CADM2: variants seen among roughly 807,000 people sequenced by gnomAD.
The protein encoded by CADM2 is cell adhesion molecule 2.
In CADM2, 12 loss-of-function variants were observed where a neutral mutation model predicts 49.8. The ratio of observed to expected loss-of-function variants is 0.24; its 90% confidence interval spans 0.15 to 0.39. The LOEUF (loss-of-function observed/expected upper bound fraction) is 0.39. Among genes scored for constraint, CADM2 ranks in the 10% least tolerant of loss-of-function variants. The probability of loss-of-function intolerance (pLI) is 1.00; values close to 1 mark genes in which losing one functional copy is unlikely to be tolerated. For synonymous variants in CADM2, 214 were observed against 175.4 expected (o/e 1.22, Z -1.74); for missense variants, 378 against 492.3 (o/e 0.77, Z 2.20).
At chr3:85,451,528 C>T (rs943392838) in intron 1 of CADM2, among the ~76,000 whole-genome samples, 1 of 152,056 alleles carries the variant, frequency 6.6e-6, no homozygotes, top group Non-Finnish European at 1.5e-5. Flanking sequence ...GCACACCTCA[C>T]GTTTTCCCTT....
intron 1 of CADM2, among the ~76,000 whole-genome samples, chr3:85,173,745 C>T (rs1225255794): frequency 3.9e-5 from 6 of 152,226 alleles, no homozygotes; most frequent in South Asian, 2.1e-4. Flanking sequence ...TAAGCTATAG[C>T]GACAGGCAAA....
At chr3:85,414,426 G>A (rs1297494584) in intron 1 of CADM2, among the ~76,000 whole-genome samples, 1 of 152,194 alleles carries the variant, frequency 6.6e-6, no homozygotes, top group Non-Finnish European at 1.5e-5. Flanking sequence ...TAGCAAGTAT[G>A]TAGTTTTGAC....
intron 1 of CADM2, among the ~76,000 whole-genome samples, chr3:85,519,006 G>T (rs1398277311): frequency 1.3e-5 from 2 of 152,050 alleles, no homozygotes; most frequent in African/African-American, 4.8e-5. Flanking sequence ...ATTTTTCAGA[G>T]TACTTCAGGA....
At chr3:85,057,552 CA>C (rs1385388649) in intron 1 of CADM2, among the ~76,000 whole-genome samples, 1 of 152,006 alleles carries the variant, frequency 6.6e-6, no homozygotes, top group Non-Finnish European at 1.5e-5. Flanking sequence ...ATCTGTTTTT[CA>C]AGATGTGATA....
At chr3:85,222,253 A>T (rs2042060259) in intron 1 of CADM2, among the ~76,000 whole-genome samples, 1 of 152,162 alleles carries the variant, frequency 6.6e-6, no homozygotes, top group South Asian at 2.1e-4. Context: ...TGCGATAACA[A>T]CCAATCACTG....
At chr3:85,155,314 A>C (rs2107654944) in intron 1 of CADM2, among the ~76,000 whole-genome samples, 1 of 149,658 alleles carries the variant, frequency 6.7e-6, no homozygotes, top group South Asian at 2.1e-4. Flanking sequence ...AACAGACTTT[A>C]AACCAACAAA....
chr3:85,559,292 T>C (rs1326761138), intron 1 of CADM2, among the ~76,000 whole-genome samples: 1 of 152,064 alleles, frequency 6.6e-6, no homozygotes, highest in African/African-American at 2.4e-5. Context: ...GGAATTAATT[T>C]TCTAGATTTT....
rs920786938 is a variant in CADM2 at position 85,529,020 on chromosome 3, T to G, written c.62-197502T>G. Among the ~76,000 whole-genome samples, 4 of 152,178 alleles carry G rather than the reference T, an allele frequency of 2.6e-5. No homozygotes were observed. The East Asian group carries it at 7.7e-4, about 29-fold the overall frequency. ...ACATGTATCACTTTATTTAGTCATG[T>G]AACAACCCTGTCAGAAAAGGAATTA... On this transcript the variant is annotated intron_variant, in intron 1 of 9. Transcript: ENST00000383699.
chr3:85,927,460 T>A (rs1720019460), intron 6 of CADM2, among the ~76,000 whole-genome samples: 1 of 152,182 alleles, frequency 6.6e-6, no homozygotes, highest in South Asian at 2.1e-4. Context: ...AATGTTACCA[T>A]TCTAGTGAAA....
chr3:85,670,896 T>C (rs1341532215), intron 1 of CADM2, among the ~76,000 whole-genome samples: 1 of 152,176 alleles, frequency 6.6e-6, no homozygotes, highest in Non-Finnish European at 1.5e-5. Context: ...CTTTCCCAAG[T>C]TTAATTGCTT....
intron 1 of CADM2, among the ~76,000 whole-genome samples, chr3:85,225,155 G>C (rs1404910310): frequency 6.6e-6 from 1 of 152,158 alleles, no homozygotes; most frequent in Non-Finnish European, 1.5e-5. Context: ...GTGGTAGCTT[G>C]ATGGGGATAG....
intron 1 of CADM2, among the ~76,000 whole-genome samples, chr3:85,515,095 CACTT>C (rs1194736402): frequency 1.3e-5 from 2 of 152,130 alleles, no homozygotes; most frequent in African/African-American, 4.8e-5. Context: ...TATACCCTCT[CACTT>C]AATTTCTTGT....
At chr3:85,700,338 G>A (rs925882241) in intron 1 of CADM2, among the ~76,000 whole-genome samples, 4 of 152,120 alleles carry the variant, frequency 2.6e-5, no homozygotes, top group African/African-American at 9.7e-5. Context: ...CCTGTCAGGG[G>A]ATGGGGGACT....
chr3:85,947,207 A>T (rs1286287315), intron 7 of CADM2, among the ~76,000 whole-genome samples: 1 of 152,022 alleles, frequency 6.6e-6, no homozygotes, highest in African/African-American at 2.4e-5. Flanking sequence ...GCTCATCATC[A>T]CTGGCCATCA....
At chr3:85,272,866 C>T (rs1011045460) in intron 1 of CADM2, among the ~76,000 whole-genome samples, 7 of 151,202 alleles carry the variant, frequency 4.6e-5, no homozygotes, top group African/African-American at 1.7e-4. Context: ...CCCTGCTTCA[C>T]CTTTCATTGC....
chr3:85,336,658 G>A (rs1279201002), intron 1 of CADM2, among the ~76,000 whole-genome samples: 1 of 150,580 alleles, frequency 6.6e-6, no homozygotes, highest in Non-Finnish European at 1.5e-5. Context: ...GTTTTGTTCA[G>A]CAAGTAAATA....
At chr3:85,185,961 G>A (rs1350676350) in intron 1 of CADM2, among the ~76,000 whole-genome samples, 3 of 152,082 alleles carry the variant, frequency 2.0e-5, no homozygotes, top group East Asian at 3.9e-4. Flanking sequence ...AGATATTATG[G>A]CAATTTAGCT....
At chr3:85,251,207 C>T (rs2042766419) in intron 1 of CADM2, among the ~76,000 whole-genome samples, 1 of 151,736 alleles carries the variant, frequency 6.6e-6, no homozygotes, top group Admixed American at 6.6e-5. Context: ...GATTACCTCT[C>T]AGCAAAAATG....
chr3:85,942,825 T>C (rs919475329), intron 7 of CADM2, among the ~76,000 whole-genome samples: 1 of 152,096 alleles, frequency 6.6e-6, no homozygotes, highest in Admixed American at 6.6e-5. Flanking sequence ...AGCAGCATAA[T>C]TTATAGTCCT....
Sources: allele counts gnomAD v4.1 joint callset (sites outside exome capture counted in the v4.1 genomes callset), GRCh38; gene constraint gnomAD v4.1.1; transcripts MANE v1.5; gene names NCBI Gene and HGNC (gene_info 2026-07-23, HGNC 2026-07-21).